B4GALT6: variants seen among roughly 807,000 people sequenced by gnomAD.
The protein encoded by B4GALT6 is beta-1,4-galactosyltransferase 6.
In B4GALT6, 14 loss-of-function variants were observed where a neutral mutation model predicts 46.3. That is an observed-to-expected ratio of 0.30 (90% CI 0.20 to 0.47). The LOEUF (loss-of-function observed/expected upper bound fraction) is 0.47. Ranked by LOEUF, B4GALT6 falls within the 20% of genes least tolerant of loss-of-function variation. The pLI is 0.99. For synonymous variants in B4GALT6, 168 were observed against 162.0 expected, an observed-to-expected ratio of 1.04 and a Z score of -0.28; for missense variants, 386 against 480.1, an observed-to-expected ratio of 0.80 and a Z score of 1.83.
chr18:31,666,708 A>C (rs990408912), intron 1 of B4GALT6, among the ~76,000 whole-genome samples: 2 of 152,250 alleles, frequency 1.3e-5, no homozygotes, highest in Non-Finnish European at 2.9e-5. Flanking sequence ...TTTATTACAG[A>C]TGCTCAATCC....
intron 2 of B4GALT6, among the ~76,000 whole-genome samples, chr18:31,663,800 C>G (rs2074248362): frequency 6.6e-6 from 1 of 152,164 alleles, no homozygotes; most frequent in South Asian, 2.1e-4. Flanking sequence ...CCTAGAGATC[C>G]TCATATTAAA....
At chr18:31,655,753 CA>C (rs1239469181) in intron 3 of B4GALT6, among the ~76,000 whole-genome samples, 18 of 152,198 alleles carry the variant, frequency 1.2e-4, no homozygotes, top group African/African-American at 4.3e-4. Flanking sequence ...GAACATTACC[CA>C]GTGGTTTCAG....
At chr18:31,651,065 C>T (rs2074060415) in intron 3 of B4GALT6, among the ~76,000 whole-genome samples, 1 of 151,966 alleles carries the variant, frequency 6.6e-6, no homozygotes, top group Non-Finnish European at 1.5e-5. Context: ...CGCGCCCAGC[C>T]CCCAGCTGCA....
intron 6 of B4GALT6, among the ~76,000 whole-genome samples, chr18:31,630,463 AG>A (rs1232339664): frequency 6.6e-6 from 1 of 151,646 alleles, no homozygotes; most frequent in African/African-American, 2.4e-5. Context: ...TGCACACCTT[AG>A]GAAGAAGATA....
At chr18:31,684,284 G>C (rs761576422) in intron 1 of B4GALT6, 28 bp downstream of exon 1, 1 of 1,612,416 alleles carries the variant, frequency 6.2e-7, no homozygotes, top group African/African-American at 1.3e-5. Flanking sequence ...TGTGACCAGG[G>C]GAAGCGAGGG....
At chr18:31,668,914 G>A (rs1489007936) in intron 1 of B4GALT6, among the ~76,000 whole-genome samples, 1 of 151,904 alleles carries the variant, frequency 6.6e-6, no homozygotes, top group East Asian at 1.9e-4. Context: ...GGGAGGCTGA[G>A]GCAGGAGAAT....
At chr18:31,704,159 G>A in the B4GALT6 span, among the ~76,000 whole-genome samples, 1 of 151,250 alleles carries the variant, frequency 6.6e-6, no homozygotes, top group Non-Finnish European at 1.5e-5. Context: ...AGGACTTCAG[G>A]ATATCTAGAA....
Position 31,658,032 on chromosome 18 carries a change from G to T in B4GALT6, c.290C>A (p.Pro97Gln). The T allele has an allele frequency of 1.9e-6, 3 of 1,613,574 alleles. No individual in the cohort carries two copies. The highest frequency in any genetic ancestry group is 2.2e-5 in the South Asian group (2 of 91,048). ...GTATGGTGAGTATGTGAAGTTTTCCGGGAGATACGTTGTTGTTTGAACAAG... is the reference window on the plus strand; with the variant it reads ...GTATGGTGAGTATGTGAAGTTTTCCTGGAGATACGTTGTTGTTTGAACAAG... ...DYLVQTTTYL[P>Q]ENFTYSPYLP... Residue 97 changes from proline (P) to glutamine (Q), a missense_variant, in exon 3 of 9, where the codon CCG (proline) becomes CAG (glutamine). Transcript: ENST00000306851.
In B4GALT6 at chr18:31,684,408, T is replaced by C; in HGVS notation, c.19A>G (p.Met7Val). The stretch of plus-strand genomic sequence containing the variant: ...AGAGAGCGATTGGAAACCCGCATCA[T>C]CCGCCTGAGCACAGACATCTTCCTC... MSVLRR[M>V]MRVSNRSLLA... Residue 7 changes from methionine to valine, a missense_variant, in exon 1 of 9, where the codon ATG (methionine) becomes GTG (valine). Coordinates refer to ENST00000306851, the MANE Select transcript of B4GALT6 (RefSeq NM_004775.5). 1.2e-6 allele frequency: 2 copies of C among 1,613,184 alleles called. No homozygotes were observed. Among genetic ancestry groups the C allele is most frequent in the South Asian group, 1.1e-5 (1 of 91,016 alleles).
chr18:31,668,593 TAA>T (rs1270045826), intron 1 of B4GALT6, among the ~76,000 whole-genome samples: 1 of 152,228 alleles, frequency 6.6e-6, no homozygotes, highest in Non-Finnish European at 1.5e-5. Context: ...GTTAGTTTCA[TAA>T]AATAGACTGT....
chr18:31,644,006 G>A (rs993762124), intron 4 of B4GALT6, among the ~76,000 whole-genome samples: 1 of 152,192 alleles, frequency 6.6e-6, no homozygotes, highest in Non-Finnish European at 1.5e-5. Flanking sequence ...TTTTTAAAAG[G>A]TGGAATGTAT....
chr18:31,630,367 G>C (rs2073770912), intron 6 of B4GALT6, among the ~76,000 whole-genome samples: 1 of 151,450 alleles, frequency 6.6e-6, no homozygotes, highest in Admixed American at 6.6e-5. Flanking sequence ...TCTCAGCTCT[G>C]ATAACTGTTC....
chr18:31,684,666 G>C (rs2074523075), upstream of B4GALT6: 1 of 1,190,744 alleles, frequency 8.4e-7, no homozygotes, highest in Non-Finnish European at 1.1e-6. Context: ...AAGAGGTGGA[G>C]GGGGGAGAGG....
intron 6 of B4GALT6, 83 bp from the exon 7 acceptor site, chr18:31,627,204 T>G (rs982732203): frequency 1.5e-4 from 178 of 1,225,202 alleles, no homozygotes; most frequent in Middle Eastern, 3.9e-4. Flanking sequence ...TTTTATGTGC[T>G]TTGCAAAATA....
In B4GALT6 at chr18:31,631,102, G is replaced by GC; in HGVS notation, c.632dup (p.Phe212LeufsTer23). 1 of 1,613,844 alleles carries GC rather than the reference G, an allele frequency of 6.2e-7. No homozygotes were observed. Among genetic ancestry groups the GC allele is most frequent in the Non-Finnish European group, 8.5e-7 (1 of 1,180,006 alleles). Reference sequence around the variant, plus strand: ...CACTGTCTTTCATGGCCTCTTTGAAGCCCACATTGAAAAGCATCGCACGGT... The same window carrying GC: ...CACTGTCTTTCATGGCCTCTTTGAAGCCCCACATTGAAAAGCATCGCACGGT... On this transcript the variant is annotated frameshift_variant, in exon 6 of 9. Transcript: ENST00000306851. LOFTEE classifies it high-confidence loss of function.
chr18:31,665,688 G>A (rs748571556), intron 2 of B4GALT6, among the ~76,000 whole-genome samples: 45 of 152,156 alleles, frequency 3.0e-4, no homozygotes, highest in Non-Finnish European at 5.1e-4. Flanking sequence ...CTTGCAGTGA[G>A]CCAAGATTGC....
At chr18:31,682,816 A>G (rs1598937765) in intron 1 of B4GALT6, among the ~76,000 whole-genome samples, 2 of 152,220 alleles carry the variant, frequency 1.3e-5, no homozygotes, top group East Asian at 3.8e-4. Context: ...TTACATGAGA[A>G]AGTAAAAATT....
At chr18:31,710,240 A>T in the B4GALT6 span, among the ~76,000 whole-genome samples, 2 of 152,214 alleles carry the variant, frequency 1.3e-5, no homozygotes, top group Non-Finnish European at 2.9e-5. Flanking sequence ...GACACCAAGT[A>T]AGTGACAAAT....
chr18:31,723,374 T>C, the B4GALT6 span, among the ~76,000 whole-genome samples: 1 of 152,334 alleles, frequency 6.6e-6, no homozygotes, highest in African/African-American at 2.4e-5. Flanking sequence ...AGCTGGGTTC[T>C]AGTTATAGTC....
Sources: allele counts gnomAD v4.1 joint callset (sites outside exome capture counted in the v4.1 genomes callset), GRCh38; gene constraint gnomAD v4.1.1; transcripts MANE v1.5; gene names NCBI Gene and HGNC (gene_info 2026-07-23, HGNC 2026-07-21).